The following PTPN23 variants were observed in gnomAD, a reference collection of about 807,000 sequenced individuals.
PTPN23 encodes the protein protein tyrosine phosphatase non-receptor type 23.
In PTPN23, 72 loss-of-function variants were observed where a neutral mutation model predicts 156.3. The observed-to-expected ratio is 0.46, with a 90% CI of 0.38 to 0.56. The LOEUF (loss-of-function observed/expected upper bound fraction) is 0.56, where lower values mean the gene tolerates loss of function less well. Ranked by LOEUF, PTPN23 falls within the 20% of genes least tolerant of loss-of-function variation. The pLI is 0.00. For missense variants in PTPN23, 1,974 were observed against 2,171.5 expected (o/e 0.91, Z 1.81); for synonymous variants, 957 against 899.6 (o/e 1.06, Z -1.14).
chr3:47,385,568 C>T (rs771765703), intron 1 of PTPN23, among the ~76,000 whole-genome samples: 15 of 152,090 alleles, frequency 9.9e-5, no homozygotes, highest in Non-Finnish European at 1.9e-4. Flanking sequence ...GGCCCAGCTA[C>T]TTAGGAGGCT....
rs1340239789 is a variant in PTPN23 at position 47,410,548 on chromosome 3, C to T, written c.2750C>T (p.Pro917Leu). ...TGCTTCCCTGTGCCCCCACCGCAGCCACTGCCCACGCCTTACACCTACCCT... is the reference window on the plus strand; with the variant it reads ...TGCTTCCCTGTGCCCCCACCGCAGCTACTGCCCACGCCTTACACCTACCCT... Reference protein sequence around the residue: ...PPCFPVPPPQPLPTPYTYPAG... With the variant: ...PPCFPVPPPQLLPTPYTYPAG... Residue 917 changes from proline to leucine, a missense_variant, in exon 20 of 25, where the codon CCA becomes CTA. This residue lies in a region of PTPN23 where 731 missense variants were observed against 669.1 expected (regional missense o/e 1.09). Transcript: ENST00000265562. 2 of 1,611,818 alleles carry T rather than the reference C, an allele frequency of 1.2e-6. No individual in the cohort carries two copies. Among genetic ancestry groups the T allele is most frequent in the Middle Eastern group, 1.7e-4 (1 of 6,056 alleles).
At chr3:47,409,123 T>C (rs1255148334) in intron 16 of PTPN23, 36 bp downstream of exon 16, 1 of 1,607,132 alleles carries the variant, frequency 6.2e-7, no homozygotes, top group Middle Eastern at 1.6e-4. Context: ...AGACTCGAGC[T>C]GGGGGTTTCT....
chr3:47,405,189 A>G lies in PTPN23; in HGVS notation c.364+108A>G, dbSNP rs1373850181. On this transcript the variant is annotated intron_variant, in intron 4 of 24. Transcript: ENST00000265562. The surrounding 1 kb of genome is among the most constrained non-coding windows in gnomAD (Gnocchi z 4.7). ...AGTGGGCTGATAAAGGGAGGACTCC[A>G]GGATTCCCGCCCCTCCACTGACCTC... is the stretch of plus-strand genomic sequence containing the variant. 4.8e-6 allele frequency: 5 copies of G among 1,031,844 alleles called. No individual in the cohort carries two copies. In the Admixed American group the frequency reaches 7.6e-5, roughly 16 times the overall value. 63.9% of individuals were successfully genotyped at this position (1,031,844 alleles called of 1,614,324 possible).
chr3:47,381,215 G>A, intron 1 of PTPN23, 35 bp downstream of exon 1: 1 of 1,555,780 alleles, frequency 6.4e-7, no homozygotes, highest in Non-Finnish European at 8.7e-7. Flanking sequence ...CCTATCCGCC[G>A]CGTATCTCCG....
Position 47,410,702 on chromosome 3 carries a change from G to T in PTPN23, c.2904G>T (p.Gly968=), listed in dbSNP as rs1705258892. ...HPQPHPSQAF[G]PQPPQQPLPL... ...AGCCCCATCCTTCACAAGCGTTTGG[G>T]CCTCAGCCCCCACAGCAGCCCCTTC... is the stretch of plus-strand genomic sequence containing the variant. Residue 968 remains glycine (G), a synonymous_variant, in exon 20 of 25, where the codon GGG becomes GGT. Transcript: ENST00000265562. 8.7e-6 allele frequency: 14 copies of T among 1,600,606 alleles called. No individual in the cohort carries two copies. The highest frequency in any genetic ancestry group is 1.2e-5 in the Non-Finnish European group (14 of 1,174,208).
chr3:47,410,487 C>T lies in PTPN23; in HGVS notation c.2689C>T (p.Pro897Ser), dbSNP rs375853008. The T allele has an allele frequency of 6.2e-6, 10 of 1,608,228 alleles. No homozygotes were observed. The African/African-American group carries it at 1.1e-4, about 17-fold the overall frequency. The change falls in exon 20 of 25, where the codon CCA (proline) becomes TCA (serine). Residue 897 changes from proline to serine, a missense_variant. By Grantham distance (74) the Pro-to-Ser change is moderately conservative. Around this residue, in one of 4 missense-constraint regions of PTPN23, gnomAD observed 731 missense variants for 669.1 expected, o/e 1.09. Coordinates refer to ENST00000265562, the MANE Select transcript of PTPN23 (RefSeq NM_015466.4). ...IQAPIPSHTA[P>S]RPNPTPAPPP... ...GGCGCCCATCCCCAGCCACACAGCC[C>T]CACGGCCAAACCCCACCCCTGCTCC...
intron 1 of PTPN23, among the ~76,000 whole-genome samples, chr3:47,387,834 T>C (rs1045439405): frequency 3.3e-5 from 5 of 152,270 alleles, no homozygotes; most frequent in Middle Eastern, 3.4e-3. Context: ...ACAGAGGGAT[T>C]AATATTAGGT....
rs1206007423 is a variant in PTPN23 at position 47,411,110 on chromosome 3, A to G, written c.3312A>G (p.Ala1104=). ...PGPVPPRPPA[A]EPPPCLRRGA... Reference sequence around the variant, plus strand: ...CGGTACCCCCTCGCCCCCCAGCAGCAGAACCACCCCCTTGCCTGCGCCGAG... The same window carrying G: ...CGGTACCCCCTCGCCCCCCAGCAGCGGAACCACCCCCTTGCCTGCGCCGAG... The change falls in exon 20 of 25, where the codon GCA becomes GCG. Residue 1104 remains alanine (A), a synonymous_variant. Transcript: ENST00000265562. The surrounding 1 kb of genome is among the most constrained non-coding windows in gnomAD (Gnocchi z 6.3). The G allele has an allele frequency of 1.2e-6, 2 of 1,604,906 alleles. No individual in the cohort carries two copies. The highest frequency in any genetic ancestry group is 1.1e-5 in the South Asian group (1 of 89,884).
At position 47,406,559 on chromosome 3, in the gene PTPN23, G is replaced by A. The variant is rs780791691; in HGVS notation, c.706G>A (p.Asp236Asn). 1 of 1,614,016 alleles carries A rather than the reference G, an allele frequency of 6.2e-7. No individual in the cohort carries two copies. The highest frequency in any genetic ancestry group is 1.7e-5 in the Admixed American group (1 of 60,024). Residue 236 changes from aspartate to asparagine, a missense_variant, in exon 8 of 25, where the codon GAC (aspartate) becomes AAC (asparagine). By Grantham distance (23) the Asp-to-Asn change is conservative. Coordinates refer to ENST00000265562, the MANE Select transcript of PTPN23 (RefSeq NM_015466.4). The surrounding 1 kb of genome is among the most constrained non-coding windows in gnomAD (Gnocchi z 5.8). ...TASLLGRIQK[D>N]WKKLVQMKIY... Reference sequence around the variant, plus strand: ...CTCACTGCTGGGCCGGATCCAGAAGGACTGGAAGAAACTTGTGCAGATGAA... The same window carrying A: ...CTCACTGCTGGGCCGGATCCAGAAGAACTGGAAGAAACTTGTGCAGATGAA...
chr3:47,407,953 G>A lies in PTPN23; in HGVS notation c.1182G>A (p.Leu394=), dbSNP rs752226673. 9.9e-6 allele frequency: 16 copies of A among 1,613,460 alleles called. No homozygotes were observed. The East Asian group carries it at 2.9e-4, about 29-fold the overall frequency. ...AGATTGAGGACAAGAATGAGGTCCTGGAGTGAGTGTGGGACTTGGGCAGGG... is the reference window on the plus strand; with the variant it reads ...AGATTGAGGACAAGAATGAGGTCCTAGAGTGAGTGTGGGACTTGGGCAGGG... ...MAKIEDKNEV[L]DQFMDSMQLD... The change falls in exon 14 of 25, where the codon CTG becomes CTA. Residue 394 remains leucine (L), a splice_region_variant and synonymous_variant. Transcript: ENST00000265562. The surrounding 1 kb of genome is among the most constrained non-coding windows in gnomAD (Gnocchi z 4.0).
chr3:47,405,109 C>A lies in PTPN23; in HGVS notation c.364+28C>A, dbSNP rs749453963. 1.2e-6 allele frequency: 2 copies of A among 1,606,662 alleles called. No homozygotes were observed. The highest frequency in any genetic ancestry group is 2.2e-5 in the South Asian group (2 of 90,954). On this transcript the variant is annotated intron_variant, in intron 4 of 24. Coordinates refer to ENST00000265562, the MANE Select transcript of PTPN23 (RefSeq NM_015466.4). The surrounding 1 kb of genome is among the most constrained non-coding windows in gnomAD (Gnocchi z 4.7). ...GAGCTGCCTGATCCCTTCCCCCGGC[C>A]CTACTCCCCAGTCCTGCCAGCCTAG...
intron 1 of PTPN23, among the ~76,000 whole-genome samples, chr3:47,391,701 T>A (rs1004723977): frequency 1.3e-5 from 2 of 152,164 alleles, no homozygotes; most frequent in Admixed American, 1.3e-4. Context: ...TTCTAGGATG[T>A]AGGAGTCTCC....
chr3:47,388,463 C>T (rs1704699465), intron 1 of PTPN23, among the ~76,000 whole-genome samples: 1 of 152,012 alleles, frequency 6.6e-6, no homozygotes, highest in South Asian at 2.1e-4. Context: ...AGTATATACA[C>T]CTACTATGTA....
chr3:47,403,203 C>T (rs542312496), intron 2 of PTPN23, among the ~76,000 whole-genome samples: 41 of 151,984 alleles, frequency 2.7e-4, no homozygotes, highest in Middle Eastern at 3.4e-3. Flanking sequence ...CAGGTGCCTG[C>T]CACCACGTCC....
chr3:47,408,072 C>T (rs773932745), intron 14 of PTPN23, 117 bp downstream of exon 14: 21 of 1,300,684 alleles, frequency 1.6e-5, no homozygotes, highest in Non-Finnish European at 2.3e-5. Flanking sequence ...ACAGGTTTCC[C>T]AATGCTGCCT....
At chr3:47,408,314 A>G in intron 14 of PTPN23, 31 bp from the exon 15 acceptor site, 1 of 1,606,126 alleles carries the variant, frequency 6.2e-7, no homozygotes, top group Non-Finnish European at 8.5e-7. Flanking sequence ...ATCAGCACCC[A>G]GCACCCACCT....
At chr3:47,389,193 G>T (rs1396761281) in intron 1 of PTPN23, among the ~76,000 whole-genome samples, 1 of 152,088 alleles carries the variant, frequency 6.6e-6, no homozygotes, top group East Asian at 1.9e-4. Context: ...ACAGGTCTTG[G>T]CCTATTGTAA....
Position 47,405,120 on chromosome 3 carries a change from G to A in PTPN23, c.364+39G>A. 4 of 1,590,024 alleles carry A rather than the reference G, an allele frequency of 2.5e-6. No individual in the cohort carries two copies. Among genetic ancestry groups the A allele is most frequent in the Middle Eastern group, 1.7e-4 (1 of 5,850 alleles). ...TCCCTTCCCCCGGCCCTACTCCCCAGTCCTGCCAGCCTAGCTTTCAGCTCT... is the reference window on the plus strand; with the variant it reads ...TCCCTTCCCCCGGCCCTACTCCCCAATCCTGCCAGCCTAGCTTTCAGCTCT... On this transcript the variant is annotated intron_variant, in intron 4 of 24. Transcript: ENST00000265562. This position sits in a 1 kb window ranked among gnomAD's most constrained non-coding sequence, Gnocchi z 4.7.
In PTPN23 at chr3:47,405,074, C is replaced by T. The variant is rs756830065; in HGVS notation, c.357C>T (p.Tyr119=). The T allele has an allele frequency of 1.9e-6, 3 of 1,614,206 alleles. No individual in the cohort carries two copies. The South Asian group carries it at 3.3e-5, about 18-fold the overall frequency. Residue 119 remains tyrosine, a synonymous_variant, in exon 4 of 25, where the codon TAC becomes TAT. Transcript: ENST00000265562. This position sits in a 1 kb window ranked among gnomAD's most constrained non-coding sequence, Gnocchi z 4.7. ...AGTACGAGCAGGCCTGTATTCTCTA[C>T]AACCTTGGTGAGCTGCCTGATCCCT... ...DIKYEQACIL[Y]NLGALHSMLG...
Sources: allele counts gnomAD v4.1 joint callset (sites outside exome capture counted in the v4.1 genomes callset), GRCh38; gene constraint gnomAD v4.1.1; regional missense constraint gnomAD v4.1.1; non-coding constraint Gnocchi (gnomAD v3.1); transcripts MANE v1.5; gene names NCBI Gene and HGNC (gene_info 2026-07-23, HGNC 2026-07-21).